Variants in PARD3 observed in about 807,000 individuals in gnomAD.
The protein encoded by PARD3 is partitioning defective 3 homolog.
PARD3 carries 75 observed loss-of-function variants against 155.4 expected under a neutral mutation model. That is an observed-to-expected ratio of 0.48 (90% CI 0.40 to 0.58). The LOEUF (loss-of-function observed/expected upper bound fraction) is 0.58. PARD3 is among the 20% of genes least tolerant of loss of function. The pLI, the probability that PARD3 is intolerant of heterozygous loss-of-function variation, is 0.00. For synonymous variants in PARD3, 576 were observed against 610.5 expected (o/e 0.94, Z 0.83); for missense variants, 1,642 against 1,721.7 (o/e 0.95, Z 0.82).
intron 1 of PARD3, among the ~76,000 whole-genome samples, chr10:34,709,595 A>G (rs1401037934): frequency 6.6e-6 from 1 of 151,694 alleles, no homozygotes; most frequent in Non-Finnish European, 1.5e-5. Flanking sequence ...GCAGGAAGCT[A>G]TGACTACCCC....
chr10:34,410,737 T>C (rs1408770696), intron 5 of PARD3, among the ~76,000 whole-genome samples: 1 of 152,228 alleles, frequency 6.6e-6, no homozygotes, highest in Non-Finnish European at 1.5e-5. Context: ...GAGGCACTGA[T>C]TGCTTCTGTT....
At chr10:34,412,623 C>T (rs1414236377) in intron 5 of PARD3, among the ~76,000 whole-genome samples, 2 of 152,158 alleles carry the variant, frequency 1.3e-5, no homozygotes, top group African/African-American at 4.8e-5. Context: ...GAATTAAATG[C>T]TGGGAAATCG....
chr10:34,649,213 G>A (rs956474773), intron 2 of PARD3, among the ~76,000 whole-genome samples: 2 of 152,194 alleles, frequency 1.3e-5, no homozygotes, highest in African/African-American at 4.8e-5. Flanking sequence ...GGGAGCCAAG[G>A]AAGGAGGATT....
At chr10:34,674,544 T>C (rs989242662) in intron 2 of PARD3, among the ~76,000 whole-genome samples, 2 of 144,056 alleles carry the variant, frequency 1.4e-5, no homozygotes, top group Admixed American at 7.5e-5. Context: ...TGGAGTGCAG[T>C]GGCACAATCT....
At chr10:34,703,340 G>C (rs1335135292) in intron 1 of PARD3, among the ~76,000 whole-genome samples, 1 of 151,850 alleles carries the variant, frequency 6.6e-6, no homozygotes, top group African/African-American at 2.4e-5. Flanking sequence ...GGTGAGTTAC[G>C]ACTGGGCCAC....
At chr10:34,608,054 T>C (rs2090602488) in intron 2 of PARD3, among the ~76,000 whole-genome samples, 1 of 152,184 alleles carries the variant, frequency 6.6e-6, no homozygotes, top group African/African-American at 2.4e-5. Flanking sequence ...GGAAGAGTCT[T>C]GTTTGTTCTT....
At chr10:34,723,266 C>T (rs1156735412) in intron 1 of PARD3, among the ~76,000 whole-genome samples, 1 of 152,080 alleles carries the variant, frequency 6.6e-6, no homozygotes, top group Admixed American at 6.6e-5. Flanking sequence ...ACCTAGGAGG[C>T]CTGGGCAACA....
chr10:34,190,576 C>G (rs1012887511), intron 22 of PARD3, among the ~76,000 whole-genome samples: 12 of 152,126 alleles, frequency 7.9e-5, no homozygotes, highest in Non-Finnish European at 5.9e-5. Context: ...CCTGGGGCCA[C>G]AAAGTTTGAG....
At chr10:34,651,119 CA>C (rs2093004132) in intron 2 of PARD3, among the ~76,000 whole-genome samples, 1 of 149,332 alleles carries the variant, frequency 6.7e-6, no homozygotes, top group South Asian at 2.1e-4. Flanking sequence ...GCCGCCCGCA[CA>C]AGGCTGAGTG....
At chr10:34,510,587 G>C (rs2081346233) in intron 3 of PARD3, among the ~76,000 whole-genome samples, 1 of 152,098 alleles carries the variant, frequency 6.6e-6, no homozygotes, top group Admixed American at 6.6e-5. Context: ...AAAAGATTAG[G>C]TTAAAATTCG....
rs1030574747 is a variant in PARD3, at chr10:34,742,877, A to T, written c.121-46458T>A. ...AGGCACAGCAGGCCACAACATCTGA[A>T]ACTGCAGACCCTATGTTCCTACCAC... On this transcript the variant is annotated intron_variant, in intron 1 of 24. Transcript: ENST00000374788. Among the ~76,000 whole-genome samples, 3 of 152,312 alleles carry T rather than the reference A, an allele frequency of 2.0e-5. No individual in the cohort carries two copies. The East Asian group carries it at 5.8e-4, about 29-fold the overall frequency.
intron 2 of PARD3, among the ~76,000 whole-genome samples, chr10:34,600,522 T>C (rs1189868527): frequency 6.6e-6 from 1 of 151,900 alleles, no homozygotes. Context: ...CACCAGAATA[T>C]CTGTACATGA....
At position 34,694,141 on chromosome 10, in the gene PARD3, AAG is replaced by A. The variant is rs112579009; in HGVS notation, c.222+2175_222+2176del. On this transcript the variant is annotated intron_variant, in intron 2 of 24. Coordinates refer to ENST00000374788, the MANE Select transcript of PARD3 (RefSeq NM_001184785.2). ...TAACAGCAAGAGAGAGAGACTGAGA[AAG>A]AGAGGGAGAAGAAAAAAAAAAAGAA... Among the ~76,000 whole-genome samples, 1,471 of 148,870 alleles carry A rather than the reference AAG, an allele frequency of 9.9e-3. 24 individuals carry two copies. Among genetic ancestry groups the A allele is most frequent in the African/African-American group, 0.034 (1,396 of 41,146 alleles).
chr10:34,268,190 T>A (rs1382085471), intron 22 of PARD3, among the ~76,000 whole-genome samples: 1 of 152,138 alleles, frequency 6.6e-6, no homozygotes. Context: ...TATATAGCCA[T>A]TAAAACACAA....
intron 2 of PARD3, among the ~76,000 whole-genome samples, chr10:34,680,551 T>A: frequency 1.2e-5 from 1 of 83,630 alleles, no homozygotes; most frequent in African/African-American, 5.1e-5. Flanking sequence ...GGAGTAAGAC[T>A]CCGTCTAAAA....
chr10:34,160,062 A>C (rs1451646811), intron 22 of PARD3, among the ~76,000 whole-genome samples: 1 of 152,208 alleles, frequency 6.6e-6, no homozygotes, highest in Non-Finnish European at 1.5e-5. Flanking sequence ...AATATTATCA[A>C]AAGAGACTAA....
intron 22 of PARD3, among the ~76,000 whole-genome samples, chr10:34,142,012 G>C (rs1004462562): frequency 1.8e-4 from 27 of 152,124 alleles, no homozygotes; most frequent in Non-Finnish European, 3.7e-4. Flanking sequence ...TTTGGTTTAA[G>C]AAACCATATT....
At chr10:34,390,778 A>T (rs185090336) in intron 7 of PARD3, among the ~76,000 whole-genome samples, 4 of 152,230 alleles carry the variant, frequency 2.6e-5, no homozygotes, top group Admixed American at 2.0e-4. Flanking sequence ...ATGATAAAGA[A>T]TATCTTAGAT....
At chr10:34,741,887 C>A (rs952989431) in intron 1 of PARD3, among the ~76,000 whole-genome samples, 4 of 152,094 alleles carry the variant, frequency 2.6e-5, no homozygotes, top group South Asian at 2.1e-4. Context: ...CAGGATGATT[C>A]CAGATTTTGC....
Sources: allele counts gnomAD v4.1 joint callset (sites outside exome capture counted in the v4.1 genomes callset), GRCh38; gene constraint gnomAD v4.1.1; transcripts MANE v1.5; gene names NCBI Gene and HGNC (gene_info 2026-07-23, HGNC 2026-07-21).